The following TTC28 variants were observed in gnomAD, a reference collection of about 807,000 sequenced individuals.
TTC28 encodes the protein tetratricopeptide repeat protein 28.
Under a neutral mutation model 198.0 loss-of-function variants are expected in TTC28, and 61 were observed. The ratio of observed to expected loss-of-function variants is 0.31; its 90% CI spans 0.25 to 0.38. The LOEUF is 0.38. Among genes scored for constraint, TTC28 ranks in the 10% least tolerant of loss-of-function variants. TTC28 has a pLI of 1.00. For synonymous variants in TTC28, 1,171 were observed against 1,297.8 expected (o/e 0.90, Z 2.10); for missense variants, 2,678 against 3,164.0 (o/e 0.85, Z 3.69).
At chr22:28,207,197 C>T (rs1378221263) in intron 5 of TTC28, among the ~76,000 whole-genome samples, 1 of 144,524 alleles carries the variant, frequency 6.9e-6, no homozygotes, top group African/African-American at 2.6e-5. Context: ...AAGAATGCCA[C>T]TTGATTTCAA....
At chr22:28,613,453 G>C (rs949987793) in intron 2 of TTC28, among the ~76,000 whole-genome samples, 1 of 152,150 alleles carries the variant, frequency 6.6e-6, no homozygotes, top group African/African-American at 2.4e-5. Flanking sequence ...ATTTAATGAA[G>C]CCAGCATCAT....
intron 2 of TTC28, among the ~76,000 whole-genome samples, chr22:28,342,726 C>G (rs531729222): frequency 6.6e-6 from 1 of 152,254 alleles, no homozygotes; most frequent in Admixed American, 6.5e-5. Flanking sequence ...CATTTTAGAA[C>G]TGAAATATCA....
At chr22:28,656,052 A>C (rs571020311) in intron 1 of TTC28, among the ~76,000 whole-genome samples, 1 of 152,262 alleles carries the variant, frequency 6.6e-6, no homozygotes, top group African/African-American at 2.4e-5. Flanking sequence ...TTTTAAGTAA[A>C]AAGCTGAAAG....
At chr22:28,392,036 CTGTT>C (rs2046731586) in intron 2 of TTC28, among the ~76,000 whole-genome samples, 1 of 152,136 alleles carries the variant, frequency 6.6e-6, no homozygotes, top group South Asian at 2.1e-4. Flanking sequence ...GATGTCCTTT[CTGTT>C]TGTTAGTTTT....
intron 2 of TTC28, among the ~76,000 whole-genome samples, chr22:28,457,962 C>T (rs1264991711): frequency 1.3e-5 from 2 of 151,952 alleles, no homozygotes; most frequent in East Asian, 1.9e-4. Flanking sequence ...TAAAATTATA[C>T]GTGGTCTTTA....
intron 6 of TTC28, among the ~76,000 whole-genome samples, chr22:28,115,926 T>C (rs1410586289): frequency 2.0e-5 from 3 of 152,226 alleles, no homozygotes; most frequent in Admixed American, 2.0e-4. Flanking sequence ...CTCCCTCCTA[T>C]AAGCTACACT....
intron 2 of TTC28, among the ~76,000 whole-genome samples, chr22:28,472,548 G>A (rs1487395589): frequency 3.2e-5 from 3 of 94,680 alleles, no homozygotes; most frequent in South Asian, 7.0e-4. Flanking sequence ...AAAAGAAAAT[G>A]TGTATGTGTG....
chr22:28,101,782 TAAAAAAAAAAAAA>T lies in TTC28; in HGVS notation c.3308-515_3308-503del, dbSNP rs11459818. Among the ~76,000 whole-genome samples, 96 of 53,174 alleles carry T rather than the reference TAAAAAAAAAAAAA, an allele frequency of 1.8e-3. 3 individuals are homozygous for T. The highest frequency in any genetic ancestry group is 4.5e-3 in the Admixed American group (17 of 3,816). The allele number at this position is 53,174 out of a possible 152,430, so 34.9% of individuals were successfully genotyped here. The stretch of plus-strand genomic sequence containing the variant: ...GCAACTTAGTGAGACCCATCTCTGT[TAAAAAAAAAAAAA>T]AAAAAAAAAAAAAAAAAGAATACTA... On this transcript the variant is annotated intron_variant, in intron 8 of 22. Transcript: ENST00000397906.
intron 1 of TTC28, 64 bp downstream of exon 1, chr22:28,679,557 GC>G: frequency 8.7e-7 from 1 of 1,151,892 alleles, no homozygotes; most frequent in Admixed American, 2.7e-5. Flanking sequence ...CTGAGGCCCG[GC>G]CCGGCTCCCA....
At chr22:28,592,697 T>C (rs1015036877) in intron 2 of TTC28, among the ~76,000 whole-genome samples, 1 of 152,216 alleles carries the variant, frequency 6.6e-6, no homozygotes, top group African/African-American at 2.4e-5. Flanking sequence ...TACAATTAAC[T>C]GCTTCATTCT....
At chr22:27,998,231 TAC>T in intron 16 of TTC28, 1 of 450,700 alleles carries the variant, frequency 2.2e-6, no homozygotes, top group East Asian at 4.0e-5. Flanking sequence ...CACTCCTTTC[TAC>T]AGTCATGGGT....
intron 12 of TTC28, among the ~76,000 whole-genome samples, chr22:28,076,057 C>T (rs1941156161): frequency 6.6e-6 from 1 of 152,156 alleles, no homozygotes; most frequent in African/African-American, 2.4e-5. Flanking sequence ...AAATTGGAAA[C>T]TCTTTGTTTT....
At chr22:28,475,168 A>AAAAAG (rs2048146607) in intron 2 of TTC28, among the ~76,000 whole-genome samples, 1 of 150,516 alleles carries the variant, frequency 6.6e-6, no homozygotes, top group African/African-American at 2.4e-5. Context: ...AAAAAAAAAA[A>AAAAAG]AAAAGAAAGA....
chr22:28,112,567 G>T (rs894651715), intron 6 of TTC28, among the ~76,000 whole-genome samples: 1 of 152,296 alleles, frequency 6.6e-6, no homozygotes, highest in East Asian at 1.9e-4. Context: ...TCCTCCCTGT[G>T]TCTCTACTGT....
intron 2 of TTC28, among the ~76,000 whole-genome samples, chr22:28,357,486 C>T (rs1437556427): frequency 6.6e-6 from 1 of 151,562 alleles, no homozygotes; most frequent in African/African-American, 2.4e-5. Context: ...AATTTTTTAA[C>T]TTTTTGTAGA....
At chr22:28,125,627 C>T (rs1942896092) in intron 6 of TTC28, among the ~76,000 whole-genome samples, 1 of 152,152 alleles carries the variant, frequency 6.6e-6, no homozygotes, top group Admixed American at 6.6e-5. Flanking sequence ...AGGCTAACAA[C>T]AAAAGGATTC....
At chr22:28,558,752 C>T (rs368721096) in intron 2 of TTC28, among the ~76,000 whole-genome samples, 2 of 152,056 alleles carry the variant, frequency 1.3e-5, no homozygotes, top group South Asian at 2.1e-4. Context: ...CATTTCTGGC[C>T]GGGCACAGTG....
intron 3 of TTC28, among the ~76,000 whole-genome samples, chr22:28,305,058 G>A (rs2045111805): frequency 6.6e-6 from 1 of 151,808 alleles, no homozygotes; most frequent in South Asian, 2.1e-4. Context: ...GTGCGATCTC[G>A]GCTCACTGCG....
chr22:28,344,973 T>C (rs922016584), intron 2 of TTC28, among the ~76,000 whole-genome samples: 7 of 152,156 alleles, frequency 4.6e-5, no homozygotes, highest in African/African-American at 1.7e-4. Flanking sequence ...GGAGATGAGA[T>C]TCAGACGGTA....
Sources: gnomAD v4.1 joint callset for allele counts (sites outside exome capture counted in the v4.1 genomes callset) on GRCh38, gnomAD v4.1.1 for gene constraint, MANE v1.5 for transcripts, NCBI Gene and HGNC (gene_info 2026-07-23, HGNC 2026-07-21) for gene names.